LHFPL2: variants seen among roughly 807,000 people sequenced by gnomAD.
LHFPL2 encodes LHFPL tetraspan subfamily member 2 protein.
Under a neutral mutation model 17.5 loss-of-function variants are expected in LHFPL2, and 7 were observed. The observed-to-expected ratio is 0.40, with a 90% confidence interval of 0.23 to 0.75. The LOEUF is 0.75. LHFPL2 is among the 30% of genes least tolerant of loss of function. The pLI, the probability that LHFPL2 is intolerant of heterozygous loss-of-function variation, is 0.37. For missense variants in LHFPL2, 241 were observed against 294.8 expected (o/e 0.82, Z 1.34); for synonymous variants, 134 against 116.2 (o/e 1.15, Z -0.99).
At chr5:78,553,914 T>C (rs1756507424) in intron 3 of LHFPL2, among the ~76,000 whole-genome samples, 2 of 152,250 alleles carry the variant, frequency 1.3e-5, no homozygotes, top group African/African-American at 4.8e-5. Flanking sequence ...GTGATTATAA[T>C]GGTTTGTCAG....
intron 2 of LHFPL2, among the ~76,000 whole-genome samples, chr5:78,571,627 C>T (rs1580817276): frequency 6.6e-6 from 1 of 152,156 alleles, no homozygotes; most frequent in African/African-American, 2.4e-5. Context: ...GTGAGGCAGG[C>T]CCCCCCAAAT....
chr5:78,529,583 C>T (rs1056649311), intron 3 of LHFPL2, among the ~76,000 whole-genome samples: 1 of 151,990 alleles, frequency 6.6e-6, no homozygotes, highest in Admixed American at 6.6e-5. Flanking sequence ...TTGCAGTGAG[C>T]CGAGATTGCG....
At chr5:78,636,573 G>C (rs1745456354) in intron 1 of LHFPL2, among the ~76,000 whole-genome samples, 1 of 152,218 alleles carries the variant, frequency 6.6e-6, no homozygotes, top group Non-Finnish European at 1.5e-5. Flanking sequence ...TCAGAATCAA[G>C]CTGGTCTGTG....
Position 78,494,483 on chromosome 5 carries a change from A to G in LHFPL2, c.431-5330T>C, listed in dbSNP as rs1754543467. The G allele has an allele frequency of 3.0e-6, 3 of 985,316 alleles. No homozygotes were observed. The South Asian group carries it at 1.4e-4, about 46-fold the overall frequency. The allele number at this position is 985,316 out of a possible 1,614,324, so 61.0% of individuals were successfully genotyped here. A position where few individuals can be genotyped will look rare whatever the true frequency, so the allele number is the denominator to read the frequency against. Reference sequence around the variant, plus strand: ...GCCTCATTGTACCAAGGAGGTTAGAAGACGTTAGCATCTGCTGGCAATGGG... The same window carrying G: ...GCCTCATTGTACCAAGGAGGTTAGAGGACGTTAGCATCTGCTGGCAATGGG... On this transcript the variant is annotated intron_variant, in intron 4 of 4. Transcript: ENST00000380345.
chr5:78,503,627 G>A (rs1344758470), intron 4 of LHFPL2, among the ~76,000 whole-genome samples: 1 of 152,182 alleles, frequency 6.6e-6, no homozygotes, highest in Non-Finnish European at 1.5e-5. Flanking sequence ...GAACCTGGGA[G>A]GCAGAGGTTG....
chr5:78,514,128 G>A (rs544302125), intron 3 of LHFPL2, among the ~76,000 whole-genome samples: 4 of 152,282 alleles, frequency 2.6e-5, no homozygotes, highest in Admixed American at 6.5e-5. Context: ...CCTGGCATCC[G>A]TTGCTATTAA....
chr5:78,583,045 C>G (rs1743209067), intron 2 of LHFPL2, among the ~76,000 whole-genome samples: 1 of 151,798 alleles, frequency 6.6e-6, no homozygotes, highest in African/African-American at 2.4e-5. Context: ...ATGTAATGGC[C>G]TTGTCTCTTT....
chr5:78,589,448 A>G (rs1743548099), intron 2 of LHFPL2, among the ~76,000 whole-genome samples: 1 of 148,982 alleles, frequency 6.7e-6, no homozygotes, highest in Admixed American at 6.7e-5. Context: ...CCAGTCTGGC[A>G]ACAGGGTTAA....
In LHFPL2 at chr5:78,562,879, C is replaced by T. The variant is rs115778266; in HGVS notation, c.-186+1934G>A. 4.0e-3 allele frequency among the ~76,000 whole-genome samples: 609 copies of T among 152,294 alleles called. 4 individuals carry two copies. Among genetic ancestry groups the T allele is most frequent in the African/African-American group, 0.014 (588 of 41,574 alleles). On this transcript the variant is annotated intron_variant, in intron 3 of 4. Coordinates refer to ENST00000380345, the MANE Select transcript of LHFPL2 (RefSeq NM_005779.3). ...GAAGGCTTTGGCAGAATGAAATTGGCTTTTCCCCAGAGCAGGATTAAACAG... is the reference window on the plus strand; with the variant it reads ...GAAGGCTTTGGCAGAATGAAATTGGTTTTTCCCCAGAGCAGGATTAAACAG...
chr5:78,494,067 C>A (rs529315394), intron 4 of LHFPL2, among the ~76,000 whole-genome samples: 126 of 152,290 alleles, frequency 8.3e-4, no homozygotes, highest in Middle Eastern at 3.4e-3. Context: ...AAAGCAGTTC[C>A]TGAAGTGAGG....
chr5:78,617,006 T>C (rs947435746), intron 2 of LHFPL2, among the ~76,000 whole-genome samples: 2 of 152,178 alleles, frequency 1.3e-5, no homozygotes, highest in African/African-American at 2.4e-5. Context: ...ACAGTAATTA[T>C]GACACTTCTA....
intron 2 of LHFPL2, among the ~76,000 whole-genome samples, chr5:78,566,611 C>T (rs564972157): frequency 6.6e-6 from 1 of 152,232 alleles, no homozygotes; most frequent in East Asian, 1.9e-4. Context: ...GCATGTGCCA[C>T]CACCTCCAGC....
chr5:78,491,791 C>T (rs779642088), intron 4 of LHFPL2, among the ~76,000 whole-genome samples: 1 of 152,150 alleles, frequency 6.6e-6, no homozygotes, highest in Non-Finnish European at 1.5e-5. Flanking sequence ...GATGATGAGC[C>T]TGAACACAGG....
intron 2 of LHFPL2, among the ~76,000 whole-genome samples, chr5:78,600,441 G>T (rs1023671216): frequency 6.6e-6 from 1 of 151,976 alleles, no homozygotes; most frequent in Non-Finnish European, 1.5e-5. Context: ...AAAACTTTCA[G>T]CAAGAGGCCA....
At position 78,584,997 on chromosome 5, in the gene LHFPL2, T is replaced by G. The variant is rs972198603; in HGVS notation, c.-244-20126A>C. 3.9e-4 allele frequency among the ~76,000 whole-genome samples: 26 copies of G among 67,326 alleles called. 2 individuals are homozygous for G. The highest frequency in any genetic ancestry group is 1.1e-3 in the African/African-American group (21 of 19,466). The allele number at this position is 67,326 out of a possible 152,430, so 44.2% of individuals were successfully genotyped here. A position where few individuals can be genotyped will look rare whatever the true frequency, so the allele number is the denominator to read the frequency against. On this transcript the variant is annotated intron_variant, in intron 2 of 4. Transcript: ENST00000380345. Reference sequence around the variant, plus strand: ...GATATAATCTCCTGGTGCGCTGTGTTTTTTTTTTTTTTTTTTTTTTTTTTT... The same window carrying G: ...GATATAATCTCCTGGTGCGCTGTGTGTTTTTTTTTTTTTTTTTTTTTTTTT...
rs1168211302 is a variant in LHFPL2 at position 78,585,156 on chromosome 5, G to C, written c.-244-20285C>G. On this transcript the variant is annotated intron_variant, in intron 2 of 4. Coordinates refer to ENST00000380345, the MANE Select transcript of LHFPL2 (RefSeq NM_005779.3). ...CAAGTAGCTGGGACTACAGGTGCCC[G>C]CCACTACGCCCGGCTAATTTTTTGT... Among the ~76,000 whole-genome samples, 3 of 114,288 alleles carry C rather than the reference G, an allele frequency of 2.6e-5. 1 individual carries two copies. Among genetic ancestry groups the C allele is most frequent in the Non-Finnish European group, 4.0e-5 (2 of 49,512 alleles). 75.0% of individuals were successfully genotyped at this position (114,288 alleles called of 152,430 possible). A position where few individuals can be genotyped will look rare whatever the true frequency, so the allele number is the denominator to read the frequency against.
At chr5:78,628,984 A>C (rs1745153817) in intron 2 of LHFPL2, among the ~76,000 whole-genome samples, 1 of 152,240 alleles carries the variant, frequency 6.6e-6, no homozygotes, top group African/African-American at 2.4e-5. Flanking sequence ...GGATTTCAGA[A>C]GCCTGAGACA....
At chr5:78,623,361 T>C (rs964781993) in intron 2 of LHFPL2, among the ~76,000 whole-genome samples, 1 of 152,056 alleles carries the variant, frequency 6.6e-6, no homozygotes, top group Non-Finnish European at 1.5e-5. Flanking sequence ...CAGAATTCCA[T>C]CATGTTTCAG....
At chr5:78,532,166 C>A (rs1487440115) in intron 3 of LHFPL2, among the ~76,000 whole-genome samples, 1 of 152,132 alleles carries the variant, frequency 6.6e-6, no homozygotes, top group Non-Finnish European at 1.5e-5. Flanking sequence ...TCAAATGATC[C>A]ACCCGGCTCA....
Sources: allele counts gnomAD v4.1 joint callset (sites outside exome capture counted in the v4.1 genomes callset), GRCh38; gene constraint gnomAD v4.1.1; transcripts MANE v1.5; gene names NCBI Gene and HGNC (gene_info 2026-07-23, HGNC 2026-07-21).